MYO16: variants seen among roughly 807,000 people sequenced by gnomAD.
The protein encoded by MYO16 is unconventional myosin-XVI.
In MYO16, 94 loss-of-function variants were observed where a neutral mutation model predicts 205.3. That is an observed-to-expected ratio of 0.46 (90% confidence interval 0.39 to 0.54). MYO16 has a LOEUF of 0.54. MYO16 is among the 20% of genes least tolerant of loss of function. The pLI is 0.00. For missense variants in MYO16, 2,315 were observed against 2,387.5 expected (o/e 0.97, Z 0.63); for synonymous variants, 988 against 954.0 (o/e 1.04, Z -0.66).
In MYO16 at chr13:108,911,401, T is replaced by C. The variant is rs146344154; in HGVS notation, c.1925+1251T>C. Among the ~76,000 whole-genome samples the C allele has an allele frequency of 3.8e-3, 573 of 152,152 alleles. 1 individual carries two copies. The highest frequency in any genetic ancestry group is 7.2e-3 in the Non-Finnish European group (488 of 67,988). ...CTTTTAGATACGTTAATCGAGAGCC[T>C]CCTACCAGGTAGTACCTGTGGTAGA... is the stretch of plus-strand genomic sequence containing the variant. On this transcript the variant is annotated intron_variant, in intron 16 of 34. Coordinates refer to ENST00000457511, the MANE Select transcript of MYO16 (RefSeq NM_001198950.3).
chr13:108,894,225 G>A (rs558834696), intron 14 of MYO16, among the ~76,000 whole-genome samples: 19 of 152,180 alleles, frequency 1.2e-4, no homozygotes, highest in African/African-American at 4.6e-4. Context: ...ACCCCCCACC[G>A]GGTCTCTCCT....
intron 23 of MYO16, among the ~76,000 whole-genome samples, chr13:109,024,005 A>G (rs1398506753): frequency 2.0e-5 from 2 of 99,162 alleles, no homozygotes; most frequent in East Asian, 9.0e-4. Context: ...TATATATAGA[A>G]ATATTATATA....
At chr13:108,856,881 G>A (rs1263344657) in intron 11 of MYO16, among the ~76,000 whole-genome samples, 1 of 152,164 alleles carries the variant, frequency 6.6e-6, no homozygotes, top group Non-Finnish European at 1.5e-5. Flanking sequence ...ACTAGAGTAA[G>A]TTTTATAAAG....
chr13:109,104,083 G>A (rs1345910557), intron 28 of MYO16, among the ~76,000 whole-genome samples: 2 of 152,134 alleles, frequency 1.3e-5, no homozygotes, highest in African/African-American at 4.8e-5. Context: ...AGAGATCAGT[G>A]TACTGATCAA....
At chr13:108,910,940 G>A (rs935782811) in intron 16 of MYO16, among the ~76,000 whole-genome samples, 2 of 151,646 alleles carry the variant, frequency 1.3e-5, no homozygotes, top group African/African-American at 2.4e-5. Context: ...CTGATTTATG[G>A]CTTATTGGGT....
intron 1 of MYO16, among the ~76,000 whole-genome samples, chr13:108,632,600 C>T (rs1004391613): frequency 6.6e-6 from 1 of 152,142 alleles, no homozygotes; most frequent in Admixed American, 6.5e-5. Context: ...ATATCTGTTA[C>T]TTTGTAAAAC....
At chr13:109,112,551 T>C (rs145507474) in intron 28 of MYO16, among the ~76,000 whole-genome samples, 1 of 151,952 alleles carries the variant, frequency 6.6e-6, no homozygotes, top group East Asian at 1.9e-4. Context: ...GGGTCAGGAG[T>C]TCGAGACCAG....
chr13:108,655,349 A>G (rs1277551396), intron 1 of MYO16, among the ~76,000 whole-genome samples: 3 of 152,202 alleles, frequency 2.0e-5, no homozygotes, highest in African/African-American at 7.2e-5. Flanking sequence ...AAACCTTGGC[A>G]GCTTCCACAT....
chr13:108,997,408 G>GAGGGA (rs1885063215), intron 21 of MYO16, among the ~76,000 whole-genome samples: 1 of 84,148 alleles, frequency 1.2e-5, no homozygotes, highest in Non-Finnish European at 2.5e-5. Flanking sequence ...GGGAGAGTGG[G>GAGGGA]AGGAAAGGAA....
chr13:108,496,925 C>A, the MYO16 span, among the ~76,000 whole-genome samples: 4 of 152,168 alleles, frequency 2.6e-5, no homozygotes, highest in African/African-American at 4.8e-5. Context: ...AAGGCAGAAG[C>A]ACAGGGGAAG....
At chr13:108,614,326 A>C (rs1879275488) in intron 1 of MYO16, among the ~76,000 whole-genome samples, 1 of 152,096 alleles carries the variant, frequency 6.6e-6, no homozygotes, top group South Asian at 2.1e-4. Context: ...GAAATTAAAG[A>C]AGCCCTCAAA....
At chr13:108,927,645 G>T (rs944398410) in intron 16 of MYO16, among the ~76,000 whole-genome samples, 1 of 152,202 alleles carries the variant, frequency 6.6e-6, no homozygotes, top group Non-Finnish European at 1.5e-5. Flanking sequence ...GATGAGGGAG[G>T]AGACATGCCA....
chr13:108,906,334 A>T (rs1880975639), intron 15 of MYO16, among the ~76,000 whole-genome samples: 1 of 152,304 alleles, frequency 6.6e-6, no homozygotes, highest in South Asian at 2.1e-4. Flanking sequence ...AACAATAAAA[A>T]ATATCTTCCA....
In MYO16 at chr13:108,670,466, C is replaced by T. The variant is rs567987640; in HGVS notation, c.292+4317C>T. On this transcript the variant is annotated intron_variant, in intron 2 of 34. Transcript: ENST00000457511. Reference sequence around the variant, plus strand: ...GGTATGAACCTGTGGTTATTCTCCTCCTGGTTTTGATACTAATCAATGAAA... The same window carrying T: ...GGTATGAACCTGTGGTTATTCTCCTTCTGGTTTTGATACTAATCAATGAAA... 2.7e-4 allele frequency among the ~76,000 whole-genome samples: 41 copies of T among 152,208 alleles called. 1 individual carries two copies. The South Asian group carries it at 8.1e-3, about 30-fold the overall frequency.
chr13:108,795,243 G>A (rs1481800967), intron 6 of MYO16, among the ~76,000 whole-genome samples: 1 of 151,074 alleles, frequency 6.6e-6, no homozygotes, highest in East Asian at 1.9e-4. Context: ...CCAGGCTGGA[G>A]TGCAATGGCA....
At chr13:108,770,244 A>G (rs1250658890) in intron 4 of MYO16, among the ~76,000 whole-genome samples, 1 of 152,234 alleles carries the variant, frequency 6.6e-6, no homozygotes, top group Non-Finnish European at 1.5e-5. Flanking sequence ...ACACATAAAA[A>G]ATAAACTCAT....
At chr13:109,103,831 T>C (rs1002124407) in intron 28 of MYO16, among the ~76,000 whole-genome samples, 2 of 152,238 alleles carry the variant, frequency 1.3e-5, no homozygotes, top group African/African-American at 4.8e-5. Context: ...CACCTGTGTC[T>C]GCTTTTCATG....
chr13:108,622,326 G>A (rs898133068), intron 1 of MYO16, among the ~76,000 whole-genome samples: 7 of 152,126 alleles, frequency 4.6e-5, no homozygotes, highest in African/African-American at 7.2e-5. Flanking sequence ...AACCCTGGGC[G>A]CTTGGCATTA....
rs537673317 is a variant in MYO16, at chr13:108,855,156, C to T, written c.1249-287C>T. 2.3e-4 allele frequency: 60 copies of T among 265,330 alleles called. No individual in the cohort carries two copies. The South Asian group carries it at 7.5e-3, about 33-fold the overall frequency. The allele number at this position is 265,330 out of a possible 1,614,324, so 16.4% of individuals were successfully genotyped here. On this transcript the variant is annotated intron_variant, in intron 10 of 34. Transcript: ENST00000457511. ...ATCAGTAGGGAATAAGAAAAGTCAA[C>T]ATGCTGAACTCATCTTGACAGACCT... is the stretch of plus-strand genomic sequence containing the variant.
Sources: gnomAD v4.1 joint callset for allele counts (sites outside exome capture counted in the v4.1 genomes callset) on GRCh38, gnomAD v4.1.1 for gene constraint, MANE v1.5 for transcripts, NCBI Gene and HGNC (gene_info 2026-07-23, HGNC 2026-07-21) for gene names.